Variants in ZNF564 observed in about 807,000 individuals in gnomAD.
ZNF564 encodes zinc finger protein 564.
Under a neutral mutation model 10.5 loss-of-function variants are expected in ZNF564, and 5 were observed. The observed-to-expected ratio is 0.48, with a 90% CI of 0.25 to 1.00. ZNF564 has a LOEUF of 1.00. Ranked by LOEUF, ZNF564 falls within the 50% of genes least tolerant of loss-of-function variation. ZNF564 has a pLI of 0.16. For missense variants in ZNF564, 603 were observed against 669.7 expected (o/e 0.90, Z 1.10); for synonymous variants, 242 against 218.1 (o/e 1.11, Z -0.97).
intron 1 of ZNF564, among the ~76,000 whole-genome samples, chr19:12,537,236 T>TG (rs774062430): frequency 2.0e-5 from 3 of 152,338 alleles, no homozygotes; most frequent in South Asian, 4.1e-4. Flanking sequence ...CCTCCATACT[T>TG]GGAGTTTCTG....
intron 1 of ZNF564, 95 bp downstream of exon 1, chr19:12,551,235 C>A (rs2022253448): frequency 1.4e-6 from 2 of 1,408,962 alleles, no homozygotes; most frequent in African/African-American, 2.8e-5. Flanking sequence ...ACCCTGGAGT[C>A]GCTGCAGGGA....
intron 1 of ZNF564, among the ~76,000 whole-genome samples, chr19:12,535,792 G>T (rs1311463374): frequency 6.6e-6 from 1 of 152,130 alleles, no homozygotes; most frequent in Non-Finnish European, 1.5e-5. Flanking sequence ...CAGACAGGCA[G>T]ATCACGAGGT....
In ZNF564 at chr19:12,527,346, T is replaced by C; in HGVS notation, c.762A>G (p.Lys254=). 5 of 1,614,140 alleles carry C rather than the reference T, an allele frequency of 3.1e-6. No individual in the cohort carries two copies. The highest frequency in any genetic ancestry group is 2.5e-6 in the Non-Finnish European group (3 of 1,180,018). The change falls in exon 4 of 4, where the codon AAA becomes AAG. Residue 254 remains lysine (K), a synonymous_variant. Coordinates refer to ENST00000339282, the MANE Select transcript of ZNF564 (RefSeq NM_144976.4). ...MIRHTGDGPY[K]CQECGKAFDR... is the part of the protein sequence containing the mutation. ...CAAAGGCTTTTCCACATTCCTGACA[T>C]TTATAAGGTCCATCTCCAGTGTGCC...
chr19:12,533,817 G>GCAGA (rs895003663), intron 1 of ZNF564, among the ~76,000 whole-genome samples: 2 of 142,984 alleles, frequency 1.4e-5, no homozygotes, highest in South Asian at 4.4e-4. Context: ...ACCCAAGTAA[G>GCAGA]CAGACAGACA....
intron 1 of ZNF564, 86 bp from the exon 2 acceptor site, chr19:12,528,782 G>A: frequency 6.9e-7 from 1 of 1,445,352 alleles, no homozygotes; most frequent in South Asian, 1.3e-5. Flanking sequence ...GTTCACAAAT[G>A]GCTAGGTGTG....
rs553229054 is a variant in ZNF564, at chr19:12,551,204, G to A, written c.3+126C>T. On this transcript the variant is annotated intron_variant, in intron 1 of 3. Coordinates refer to ENST00000339282, the MANE Select transcript of ZNF564 (RefSeq NM_144976.4). ...CCGAGGGGACAGAGGGCCGAGCTGCGCCAGGGAACTCGGGTCCCAGACCCT... is the reference window on the plus strand; with the variant it reads ...CCGAGGGGACAGAGGGCCGAGCTGCACCAGGGAACTCGGGTCCCAGACCCT... 3 of 1,126,794 alleles carry A rather than the reference G, an allele frequency of 2.7e-6. No homozygotes were observed. The East Asian group carries it at 7.8e-5, about 29-fold the overall frequency. The allele number at this position is 1,126,794 out of a possible 1,614,324, so 69.8% of individuals were successfully genotyped here.
chr19:12,536,601 A>G (rs1015454012), intron 1 of ZNF564, among the ~76,000 whole-genome samples: 4 of 152,198 alleles, frequency 2.6e-5, no homozygotes, highest in African/African-American at 7.2e-5. Context: ...TTAGGAGCCC[A>G]GCACTGTATA....
chr19:12,543,569 G>A (rs1264723402), intron 1 of ZNF564, among the ~76,000 whole-genome samples: 2 of 150,806 alleles, frequency 1.3e-5, no homozygotes, highest in Non-Finnish European at 3.0e-5. Context: ...AGCTACTCGG[G>A]AGGCTGAGGC....
intron 1 of ZNF564, among the ~76,000 whole-genome samples, chr19:12,549,059 T>C (rs1323851289): frequency 9.9e-6 from 1 of 101,344 alleles, no homozygotes; most frequent in South Asian, 2.5e-4. Flanking sequence ...CTGAGAAACC[T>C]ACCATACATG....
In ZNF564 at chr19:12,527,159, C is replaced by A. The variant is rs1316284115; in HGVS notation, c.949G>T (p.Ala317Ser). Residue 317 changes from alanine to serine, a missense_variant, in exon 4 of 4, where the codon GCC becomes TCC. Ala to Ser is a moderately conservative substitution (Grantham distance 99, BLOSUM62 1). Transcript: ENST00000339282. ...CGAACATAACTGGGAAAAATAAAGG[C>A]TCTCCCACATACTTTACATTTATAA... ...GPYKCKVCGR[A>S]FIFPSYVRKH... The A allele has an allele frequency of 8.7e-6, 14 of 1,614,146 alleles. No individual in the cohort carries two copies. The highest frequency in any genetic ancestry group is 1.2e-5 in the Non-Finnish European group (14 of 1,180,016).
In ZNF564 at chr19:12,527,489, C is replaced by G; in HGVS notation, c.619G>C (p.Asp207His). 6.2e-7 allele frequency: 1 copy of G among 1,613,970 alleles called. No homozygotes were observed. Among genetic ancestry groups the G allele is most frequent in the South Asian group, 1.1e-5 (1 of 91,068 alleles). The change falls in exon 4 of 4, where the codon GAT becomes CAT. Residue 207 changes from aspartate (D) to histidine (H), a missense_variant. Transcript: ENST00000339282. Reference sequence around the variant, plus strand: ...TGTATCTGAAATAAACTTGGGCGATCAAAGGCTTTCCCACATTCCTGACAT... The same window carrying G: ...TGTATCTGAAATAAACTTGGGCGATGAAAGGCTTTCCCACATTCCTGACAT... ...YKCQECGKAF[D>H]RPSLFQIHER...
At chr19:12,537,827 A>G (rs994284546) in intron 1 of ZNF564, among the ~76,000 whole-genome samples, 2 of 151,994 alleles carry the variant, frequency 1.3e-5, no homozygotes, top group Non-Finnish European at 2.9e-5. Flanking sequence ...AAAATAACAG[A>G]TTTTTGCAGG....
intron 1 of ZNF564, among the ~76,000 whole-genome samples, chr19:12,544,181 G>A (rs1288945162): frequency 6.6e-6 from 1 of 152,108 alleles, no homozygotes; most frequent in Non-Finnish European, 1.5e-5. Flanking sequence ...GAAATAATTA[G>A]GACACTATGG....
rs1038460532 is a variant in ZNF564 at position 12,544,110 on chromosome 19, T to C, written c.3+7220A>G. ...AAGCCACCCAGCCTATGGCAATGTA[T>C]TACAGCATCCCCAGGTGACTAAGAC... On this transcript the variant is annotated intron_variant, in intron 1 of 3. Coordinates refer to ENST00000339282, the MANE Select transcript of ZNF564 (RefSeq NM_144976.4). Among the ~76,000 whole-genome samples the C allele has an allele frequency of 2.0e-5, 3 of 152,264 alleles. No homozygotes were observed. The South Asian group carries it at 6.2e-4, about 32-fold the overall frequency.
chr19:12,535,831 T>C (rs753848851), intron 1 of ZNF564, among the ~76,000 whole-genome samples: 1 of 151,932 alleles, frequency 6.6e-6, no homozygotes, highest in Admixed American at 6.6e-5. Context: ...CTGGCCAACA[T>C]GGTGAAATCC....
In ZNF564 at chr19:12,527,258, T is replaced by C; in HGVS notation, c.850A>G (p.Lys284Glu). 2.5e-6 allele frequency: 4 copies of C among 1,614,012 alleles called. No homozygotes were observed. Among genetic ancestry groups the C allele is most frequent in the Non-Finnish European group, 3.4e-6 (4 of 1,179,984 alleles). ...THTGEKPHEC[K>E]QCGKAFISFT... ...GAAATGAAGGCCTTCCCACACTGTT[T>C]ACATTCATGGGGTTTCTCTCCAGTA... Residue 284 changes from lysine (K) to glutamate (E), a missense_variant, in exon 4 of 4, where the codon AAA becomes GAA. Lys to Glu is a moderately conservative substitution (Grantham distance 56). Coordinates refer to ENST00000339282, the MANE Select transcript of ZNF564 (RefSeq NM_144976.4).
intron 1 of ZNF564, among the ~76,000 whole-genome samples, chr19:12,535,015 TTAAATA>T (rs1302266792): frequency 1.3e-5 from 2 of 152,038 alleles, no homozygotes; most frequent in South Asian, 4.1e-4. Context: ...ATCCATATGA[TTAAATA>T]TAATCATATG....
intron 1 of ZNF564, 120 bp downstream of exon 1, chr19:12,551,210 G>C: frequency 8.4e-7 from 1 of 1,187,416 alleles, no homozygotes. Flanking sequence ...CTGCGCCAGG[G>C]AACTCGGGTC....
In ZNF564 at chr19:12,526,750, A is replaced by C. The variant is rs2021692428; in HGVS notation, c.1358T>G (p.Val453Gly). ...AGGACAGTCAAAGGCTTTACCACAT[A>C]CCTGACATTTATAAGGTCCATCTCC... is the stretch of plus-strand genomic sequence containing the variant. ...HTGDGPYKCQ[V>G]CGKAFDCPSS... Residue 453 changes from valine to glycine, a missense_variant, in exon 4 of 4, where the codon GTA becomes GGA. By Grantham distance (109) the Val-to-Gly change is moderately radical (BLOSUM62 -3). Transcript: ENST00000339282. 1 of 1,613,952 alleles carries C rather than the reference A, an allele frequency of 6.2e-7. No individual in the cohort carries two copies. The highest frequency in any genetic ancestry group is 1.3e-5 in the African/African-American group (1 of 74,892).
Sources: allele counts gnomAD v4.1 joint callset (sites outside exome capture counted in the v4.1 genomes callset), GRCh38; gene constraint gnomAD v4.1.1; transcripts MANE v1.5; gene names NCBI Gene and HGNC (gene_info 2026-07-23, HGNC 2026-07-21).